Variants in PHLPP2 observed in about 807,000 individuals in gnomAD.
The protein encoded by PHLPP2 is PH domain and leucine rich repeat protein phosphatase 2, also known as PH domain leucine-rich repeat-containing protein phosphatase 2.
Under a neutral mutation model 124.9 loss-of-function variants are expected in PHLPP2, and 66 were observed. The ratio of observed to expected loss-of-function variants is 0.53; its 90% CI spans 0.43 to 0.65. The LOEUF is 0.65. PHLPP2 is among the 30% of genes least tolerant of loss of function. The pLI is 0.00. For synonymous variants in PHLPP2, 681 were observed against 624.7 expected (o/e 1.09, Z -1.34); for missense variants, 1,685 against 1,600.4 (o/e 1.05, Z -0.90).
intron 10 of PHLPP2, among the ~76,000 whole-genome samples, chr16:71,671,928 A>C (rs2044897139): frequency 1.3e-5 from 2 of 151,222 alleles, no homozygotes; most frequent in Non-Finnish European, 2.9e-5. Flanking sequence ...AAACAAACAA[A>C]CACCCACTAT....
rs2044654165 is a variant in PHLPP2 at position 71,646,490 on chromosome 16, C to T, written c.*2400G>A. The T allele has an allele frequency of 6.6e-6, 1 of 152,018 alleles. No individual in the cohort carries two copies. The highest frequency in any genetic ancestry group is 2.1e-4 in the South Asian group (1 of 4,822). The allele number at this position is 152,018 out of a possible 1,614,324, so 9.4% of individuals were successfully genotyped here. On this transcript the variant is annotated 3_prime_UTR_variant, in exon 19 of 19. Transcript: ENST00000568954. ...TTCAGAACTGGGTTTTGAGGTGGTT[C>T]CAATAAGTAGGTTGGGAAACGAATA...
chr16:71,648,838 T>A lies in PHLPP2; in HGVS notation c.*52A>T. 7.4e-7 allele frequency: 1 copy of A among 1,343,110 alleles called. No homozygotes were observed. The highest frequency in any genetic ancestry group is 1.0e-6 in the Non-Finnish European group (1 of 953,318). 83.2% of individuals were successfully genotyped at this position (1,343,110 alleles called of 1,614,324 possible). A position where few individuals can be genotyped will look rare whatever the true frequency, so the allele number is the denominator to read the frequency against. The stretch of plus-strand genomic sequence containing the variant: ...GTAGAGGCAGAATGCCTCTAGCAAG[T>A]CCCTACCCCAACCCTGCACAGCCTC... On this transcript the variant is annotated 3_prime_UTR_variant, in exon 19 of 19. Transcript: ENST00000568954.
intron 11 of PHLPP2, among the ~76,000 whole-genome samples, chr16:71,667,692 A>G (rs974309692): frequency 6.6e-6 from 1 of 152,250 alleles, no homozygotes; most frequent in African/African-American, 2.4e-5. Flanking sequence ...AATTCATAAC[A>G]TTTCATTACA....
In PHLPP2 at chr16:71,649,729, T is replaced by A; in HGVS notation, c.3133A>T (p.Asn1045Tyr). ...ACAGGACCTGGGAGGGTGAGCCCAT[T>A]CATTTCACAAGTGCAGCCTTCCTCA... ...IGEEGCTCEM[N>Y]GLTLPGPVGF... Residue 1045 changes from asparagine to tyrosine, a missense_variant, in exon 19 of 19, where the codon AAT (asparagine) becomes TAT (tyrosine). Coordinates refer to ENST00000568954, the MANE Select transcript of PHLPP2 (RefSeq NM_015020.3). The A allele has an allele frequency of 2.5e-6, 4 of 1,614,198 alleles. No homozygotes were observed. The highest frequency in any genetic ancestry group is 3.4e-6 in the Non-Finnish European group (4 of 1,180,028).
intron 2 of PHLPP2, among the ~76,000 whole-genome samples, chr16:71,708,345 A>G (rs2045296829): frequency 6.6e-6 from 1 of 152,144 alleles, no homozygotes; most frequent in African/African-American, 2.4e-5. Context: ...CTCCTGGACA[A>G]TGAGTCTCAG....
chr16:71,667,251 G>A lies in PHLPP2; in HGVS notation c.1711C>T (p.Pro571Ser), dbSNP rs368389821. Residue 571 changes from proline (P) to serine (S), a missense_variant, in exon 12 of 19, where the codon CCC (proline) becomes TCC (serine). Physicochemically the swap from Pro to Ser is moderately conservative, Grantham distance 74. Coordinates refer to ENST00000568954, the MANE Select transcript of PHLPP2 (RefSeq NM_015020.3). ...QNLPTLVEHI[P>S]LEVLDLQHNA... ...TGCTGAAGATCCAGCACCTCGAGGG[G>A]GATGTGCTCTACCAGTGTTGGAAGG... 2 of 1,613,376 alleles carry A rather than the reference G, an allele frequency of 1.2e-6. No individual in the cohort carries two copies. The highest frequency in any genetic ancestry group is 1.7e-5 in the Admixed American group (1 of 59,980).
intron 6 of PHLPP2, among the ~76,000 whole-genome samples, chr16:71,681,543 C>G (rs1035808538): frequency 6.6e-6 from 1 of 152,162 alleles, no homozygotes; most frequent in South Asian, 2.1e-4. Context: ...CCCAGATCAA[C>G]AGAAGCTCAC....
chr16:71,684,459 A>C lies in PHLPP2; in HGVS notation c.735+17T>G, dbSNP rs1466457639. 2 of 1,613,324 alleles carry C rather than the reference A, an allele frequency of 1.2e-6. No homozygotes were observed. The highest frequency in any genetic ancestry group is 1.7e-6 in the Non-Finnish European group (2 of 1,179,648). Reference sequence around the variant, plus strand: ...TCTATTCTTATCTCCACATCAGAACATCCCATTACTTTTCACCTTGGATGC... The same window carrying C: ...TCTATTCTTATCTCCACATCAGAACCTCCCATTACTTTTCACCTTGGATGC... On this transcript the variant is annotated intron_variant, in intron 5 of 18. Transcript: ENST00000568954.
rs757181412 is a variant in PHLPP2, at chr16:71,656,636, T to G, written c.2325A>C (p.Thr775=). 1.2e-6 allele frequency: 2 copies of G among 1,613,800 alleles called. No homozygotes were observed. Among genetic ancestry groups the G allele is most frequent in the South Asian group, 2.2e-5 (2 of 91,078 alleles). ...LKIDQKPLPT[T]DSTVTSTFWS... ...AGAAGGTTGACGTAACTGTAGAATC[T>G]GTGGTTGGCAAAGGTTTCTGATCAA... The change falls in exon 16 of 19, where the codon ACA becomes ACC. Residue 775 remains threonine (T), a synonymous_variant. Transcript: ENST00000568954.
chr16:71,652,644 G>T, intron 18 of PHLPP2, 146 bp downstream of exon 18: 1 of 611,494 alleles, frequency 1.6e-6, no homozygotes, highest in Non-Finnish European at 2.9e-6. Context: ...CAGTACTGTT[G>T]CTGAAACCAT....
chr16:71,668,268 T>G (rs2145323406), intron 11 of PHLPP2, among the ~76,000 whole-genome samples: 1 of 151,614 alleles, frequency 6.6e-6, no homozygotes, highest in South Asian at 2.1e-4. Context: ...AAAAAAAATT[T>G]AGCCGGGCGT....
At chr16:71,665,224 C>T (rs550425033) in intron 12 of PHLPP2, among the ~76,000 whole-genome samples, 40 of 151,370 alleles carry the variant, frequency 2.6e-4, no homozygotes, top group Admixed American at 1.5e-3. Flanking sequence ...CAGGAGAAAT[C>T]GCTTGAACCC....
intron 4 of PHLPP2, 70 bp from the exon 5 acceptor site, chr16:71,684,671 T>C: frequency 1.4e-6 from 2 of 1,414,176 alleles, no homozygotes; most frequent in Non-Finnish European, 1.9e-6. Flanking sequence ...CAAAAGGCAA[T>C]CACAAGACGA....
chr16:71,676,630 T>C lies in PHLPP2; in HGVS notation c.1288A>G (p.Met430Val), dbSNP rs1330283246. 1.3e-5 allele frequency: 21 copies of C among 1,613,204 alleles called. No individual in the cohort carries two copies. Among genetic ancestry groups the C allele is most frequent in the Non-Finnish European group, 1.8e-5 (21 of 1,179,102 alleles). The change falls in exon 9 of 19, where the codon ATG (methionine) becomes GTG (valine). Residue 430 changes from methionine (M) to valine (V), a missense_variant. By Grantham distance (21) the Met-to-Val change is conservative (BLOSUM62 1). Transcript: ENST00000568954. ...TTTCCCTCCAGATTTTCAATAACCA[T>C]GGTTTTCAAATGGTTCATCCTTAAT... is the stretch of plus-strand genomic sequence containing the variant. The part of the protein sequence containing the change: ...VDLRMNHLKT[M>V]VIENLEGNKH...
In PHLPP2 at chr16:71,648,789, A is replaced by G; in HGVS notation, c.*101T>C. 1.1e-6 allele frequency: 1 copy of G among 905,976 alleles called. No homozygotes were observed. The highest frequency in any genetic ancestry group is 2.3e-5 in the Admixed American group (1 of 44,018). 56.1% of individuals were successfully genotyped at this position (905,976 alleles called of 1,614,324 possible). A position where few individuals can be genotyped will look rare whatever the true frequency, so the allele number is the denominator to read the frequency against. On this transcript the variant is annotated 3_prime_UTR_variant, in exon 19 of 19. Transcript: ENST00000568954. Reference sequence around the variant, plus strand: ...CCGTCTCAAAACAAACAAACAAAAAAAAAACGAACAAACAAAAAGAAATGT... The same window carrying G: ...CCGTCTCAAAACAAACAAACAAAAAGAAAACGAACAAACAAAAAGAAATGT...
Position 71,678,737 on chromosome 16 carries a change from G to C in PHLPP2, c.1268+18C>G. 2.4e-6 allele frequency: 3 copies of C among 1,252,240 alleles called. No individual in the cohort carries two copies. Among genetic ancestry groups the C allele is most frequent in the Non-Finnish European group, 3.5e-6 (3 of 850,086 alleles). The allele number at this position is 1,252,240 out of a possible 1,614,324, so 77.6% of individuals were successfully genotyped here. On this transcript the variant is annotated intron_variant, in intron 8 of 18. Coordinates refer to ENST00000568954, the MANE Select transcript of PHLPP2 (RefSeq NM_015020.3). ...CCAGAGTCAATTTAAAGGAAGGTGT[G>C]GTAAAGAATAACCTTACCTTAAATC...
At position 71,714,757 on chromosome 16, in the gene PHLPP2, TCTC is replaced by T. The variant is rs2045348998; in HGVS notation, c.36_38del (p.Arg13del). On this transcript the variant is annotated inframe_deletion, in exon 2 of 19. Transcript: ENST00000568954. ...CTCTTTCTCGAGAACCAAACCTACT[TCTC>T]CTATTCAAACAATTTCTGCTCCCAT... 1.9e-6 allele frequency: 3 copies of T among 1,613,854 alleles called. No individual in the cohort carries two copies. The highest frequency in any genetic ancestry group is 1.7e-6 in the Non-Finnish European group (2 of 1,179,984).
chr16:71,649,812 G>A lies in PHLPP2; in HGVS notation c.3050C>T (p.Ala1017Val), dbSNP rs374864964. 3.2e-5 allele frequency: 52 copies of A among 1,613,972 alleles called. No homozygotes were observed. In the African/African-American group the frequency reaches 4.7e-4, roughly 14 times the overall value. ...LAAAKKLCTL[A>V]QSYGCQDNVG... ...ATTGTCCTGACAGCCATAGCTCTGC[G>A]CTAATGTGCACAGCTTCTTAGCAGC... The change falls in exon 19 of 19, where the codon GCG becomes GTG. Residue 1017 changes from alanine to valine, a missense_variant. Ala to Val is a moderately conservative substitution (Grantham distance 64). Coordinates refer to ENST00000568954, the MANE Select transcript of PHLPP2 (RefSeq NM_015020.3).
At chr16:71,697,864 T>C (rs1484829080) in intron 3 of PHLPP2, among the ~76,000 whole-genome samples, 3 of 150,684 alleles carry the variant, frequency 2.0e-5, no homozygotes, top group Non-Finnish European at 1.5e-5. Context: ...TTTTTTTTTT[T>C]TGAGATGGAG....
Sources: gnomAD v4.1 joint callset for allele counts (sites outside exome capture counted in the v4.1 genomes callset) on GRCh38, gnomAD v4.1.1 for gene constraint, MANE v1.5 for transcripts, NCBI Gene and HGNC (gene_info 2026-07-23, HGNC 2026-07-21) for gene names.